SCFD2: variants seen among roughly 807,000 people sequenced by gnomAD.
The protein encoded by SCFD2 is sec1 family domain containing 2.
A neutral mutation model predicts 58.9 loss-of-function variants in SCFD2; 54 were observed. That is an observed-to-expected ratio of 0.92 (90% confidence interval 0.74 to 1.15). The LOEUF is 1.15. Among genes scored for constraint, SCFD2 ranks in the 50% most tolerant of loss-of-function variants. SCFD2 has a pLI of 0.00. For missense variants in SCFD2, 805 were observed against 836.6 expected (o/e 0.96, Z 0.47); for synonymous variants, 321 against 335.9 (o/e 0.96, Z 0.49).
At chr4:53,232,996 A>G (rs1366777182) in intron 4 of SCFD2, among the ~76,000 whole-genome samples, 1 of 152,184 alleles carries the variant, frequency 6.6e-6, no homozygotes, top group Non-Finnish European at 1.5e-5. Flanking sequence ...ATGTTAAGCT[A>G]ACCTCTAGCA....
At chr4:53,225,057 A>G (rs1023207804) in intron 4 of SCFD2, among the ~76,000 whole-genome samples, 1 of 152,158 alleles carries the variant, frequency 6.6e-6, no homozygotes, top group Non-Finnish European at 1.5e-5. Flanking sequence ...GTTGTTCCTA[A>G]TTTGTCATTA....
chr4:52,900,671 C>G (rs1234702255), intron 7 of SCFD2, among the ~76,000 whole-genome samples: 1 of 152,216 alleles, frequency 6.6e-6, no homozygotes, highest in Non-Finnish European at 1.5e-5. Flanking sequence ...TCAAAGCTGT[C>G]AGACAGGGAC....
chr4:53,008,168 G>A (rs981377501), intron 5 of SCFD2, among the ~76,000 whole-genome samples: 10 of 152,190 alleles, frequency 6.6e-5, no homozygotes, highest in African/African-American at 1.9e-4. Flanking sequence ...GTAGGCCCAA[G>A]GAGCCCATGC....
intron 5 of SCFD2, among the ~76,000 whole-genome samples, chr4:52,946,109 C>T (rs573059542): frequency 6.6e-6 from 1 of 152,242 alleles, no homozygotes; most frequent in African/African-American, 2.4e-5. Flanking sequence ...AAGACTCTTG[C>T]TTCAAAAGCA....
Position 52,937,098 on chromosome 4 carries a change from CA to C in SCFD2, c.1562-16229del, listed in dbSNP as rs1289226195. 3.3e-5 allele frequency among the ~76,000 whole-genome samples: 5 copies of C among 152,192 alleles called. No homozygotes were observed. In the East Asian group the frequency reaches 9.7e-4, roughly 29 times the overall value. ...AGGTAGGGGATATTTTACATGTGGC[CA>C]AAAAGGGCCTCTTGGAGGAGTTTGC... is the stretch of plus-strand genomic sequence containing the variant. On this transcript the variant is annotated intron_variant, in intron 5 of 8. Transcript: ENST00000401642.
At chr4:53,287,976 A>T (rs1218057971) in intron 3 of SCFD2, among the ~76,000 whole-genome samples, 1 of 152,152 alleles carries the variant, frequency 6.6e-6, no homozygotes, top group African/African-American at 2.4e-5. Flanking sequence ...AAGGTAGGTC[A>T]TGCCTGTAAT....
intron 4 of SCFD2, among the ~76,000 whole-genome samples, chr4:53,186,776 G>C (rs12511538): frequency 0.13 from 20,029 of 151,908 alleles, 1,462 homozygotes; most frequent in East Asian, 0.24. Flanking sequence ...AAATGTTCAA[G>C]GGAGCCAGCT....
chr4:53,119,493 T>A (rs1247961225), intron 5 of SCFD2, among the ~76,000 whole-genome samples: 3 of 151,756 alleles, frequency 2.0e-5, no homozygotes, highest in Non-Finnish European at 4.4e-5. Flanking sequence ...AATAAATAAA[T>A]AAAAATAAAA....
intron 4 of SCFD2, among the ~76,000 whole-genome samples, chr4:53,216,328 G>C (rs1728832010): frequency 6.6e-6 from 1 of 152,156 alleles, no homozygotes; most frequent in African/African-American, 2.4e-5. Flanking sequence ...TTCAGAGCCT[G>C]TTATTGGTCT....
intron 4 of SCFD2, among the ~76,000 whole-genome samples, chr4:53,185,672 T>C (rs1271030643): frequency 6.6e-6 from 1 of 152,086 alleles, no homozygotes; most frequent in Non-Finnish European, 1.5e-5. Context: ...ATAAAAGGCA[T>C]ACCCATAACA....
At chr4:52,925,610 C>A (rs1719845799) in intron 5 of SCFD2, among the ~76,000 whole-genome samples, 1 of 152,174 alleles carries the variant, frequency 6.6e-6, no homozygotes, top group African/African-American at 2.4e-5. Flanking sequence ...TATTCAGTTA[C>A]TTCTAATAAG....
chr4:53,011,095 T>TA (rs35272848), intron 5 of SCFD2, among the ~76,000 whole-genome samples: 1 of 152,144 alleles, frequency 6.6e-6, no homozygotes, highest in Non-Finnish European at 1.5e-5. Flanking sequence ...ATTTTCCCCC[T>TA]AAAAAAGGCA....
intron 5 of SCFD2, among the ~76,000 whole-genome samples, chr4:53,071,402 G>A (rs1035274248): frequency 6.6e-6 from 1 of 151,958 alleles, no homozygotes; most frequent in African/African-American, 2.4e-5. Context: ...TTTTTTGGAG[G>A]GAGGTGGTCC....
chr4:52,915,741 C>T (rs1013893563), intron 6 of SCFD2, among the ~76,000 whole-genome samples: 1 of 152,206 alleles, frequency 6.6e-6, no homozygotes, highest in Non-Finnish European at 1.5e-5. Flanking sequence ...TAGAAGTAGA[C>T]TCAGGACAGA....
chr4:52,969,068 G>C (rs1444742747), intron 5 of SCFD2, among the ~76,000 whole-genome samples: 1 of 152,094 alleles, frequency 6.6e-6, no homozygotes, highest in African/African-American at 2.4e-5. Flanking sequence ...CAATCACCCT[G>C]GCCTGTCTTT....
intron 5 of SCFD2, among the ~76,000 whole-genome samples, chr4:53,102,765 G>A (rs1724866515): frequency 6.6e-6 from 1 of 152,010 alleles, no homozygotes; most frequent in African/African-American, 2.4e-5. Context: ...ATGATTTTCA[G>A]GAAGGCAAAA....
intron 5 of SCFD2, among the ~76,000 whole-genome samples, chr4:52,981,062 C>T (rs10010254): frequency 0.85 from 128,773 of 152,164 alleles, 54,745 homozygotes; most frequent in Middle Eastern, 0.95. Flanking sequence ...TCATTTTCTG[C>T]GGTCCACTGA....
At chr4:53,318,133 C>A (rs1732919949) in intron 2 of SCFD2, among the ~76,000 whole-genome samples, 1 of 152,170 alleles carries the variant, frequency 6.6e-6, no homozygotes, top group Non-Finnish European at 1.5e-5. Flanking sequence ...TGCAAGCAAT[C>A]TCCTTATATA....
At chr4:53,203,403 C>T (rs1480442648) in intron 4 of SCFD2, among the ~76,000 whole-genome samples, 1 of 151,452 alleles carries the variant, frequency 6.6e-6, no homozygotes, top group Non-Finnish European at 1.5e-5. Context: ...TGAGGCATAA[C>T]TAAAGATCTG....
Sources: gnomAD v4.1 joint callset for allele counts (sites outside exome capture counted in the v4.1 genomes callset) on GRCh38, gnomAD v4.1.1 for gene constraint, MANE v1.5 for transcripts, NCBI Gene and HGNC (gene_info 2026-07-23, HGNC 2026-07-21) for gene names.